TYW1B: variants seen among roughly 807,000 people sequenced by gnomAD.
TYW1B encodes tRNA-yW synthesizing protein 1 homolog B, also known as S-adenosyl-L-methionine-dependent tRNA 4-demethylwyosine synthase TYW1B.
TYW1B carries 73 observed loss-of-function variants against 86.9 expected under a neutral mutation model. The ratio of observed to expected loss-of-function variants is 0.84; its 90% confidence interval spans 0.70 to 1.02. TYW1B has a LOEUF of 1.02. Ranked by LOEUF, TYW1B falls within the 50% of genes least tolerant of loss-of-function variation. The pLI is 0.00. For missense variants in TYW1B, 637 were observed against 827.4 expected (o/e 0.77, Z 2.82); for synonymous variants, 248 against 292.8 (o/e 0.85, Z 1.56).
intron 9 of TYW1B, among the ~76,000 whole-genome samples, chr7:72,726,026 C>T (rs1333984383): frequency 5.9e-5 from 9 of 152,126 alleles, no homozygotes; most frequent in Admixed American, 5.2e-4. Flanking sequence ...TGAAGATCAA[C>T]AATCAATTAT....
chr7:72,763,890 T>C (rs1194340961), intron 7 of TYW1B, among the ~76,000 whole-genome samples: 3 of 152,214 alleles, frequency 2.0e-5, no homozygotes, highest in Non-Finnish European at 2.9e-5. Flanking sequence ...CATTGACAAA[T>C]GGTAAGTGAT....
At chr7:72,658,796 C>A (rs111408981) in intron 11 of TYW1B, among the ~76,000 whole-genome samples, 12 of 152,192 alleles carry the variant, frequency 7.9e-5, no homozygotes, top group African/African-American at 9.7e-5. Flanking sequence ...TCTCGGCTCA[C>A]TGCAACCTCC....
chr7:72,827,448 A>G (rs782335074), intron 1 of TYW1B, among the ~76,000 whole-genome samples: 6 of 152,142 alleles, frequency 3.9e-5, no homozygotes, highest in Non-Finnish European at 8.8e-5. Context: ...AAAATAACAC[A>G]CTATGTAGTA....
intron 7 of TYW1B, among the ~76,000 whole-genome samples, chr7:72,752,062 A>G (rs1438710055): frequency 6.6e-6 from 1 of 152,144 alleles, no homozygotes; most frequent in Non-Finnish European, 1.5e-5. Flanking sequence ...CTGGGTAGAG[A>G]GGGAAGTCTC....
intron 13 of TYW1B, among the ~76,000 whole-genome samples, chr7:72,596,763 G>A (rs1264387168): frequency 2.6e-5 from 4 of 152,008 alleles, no homozygotes; most frequent in African/African-American, 7.2e-5. Flanking sequence ...AAAAGAAAGA[G>A]TAGACAAACT....
At chr7:72,766,745 G>A (rs782302315) in intron 7 of TYW1B, among the ~76,000 whole-genome samples, 3 of 151,564 alleles carry the variant, frequency 2.0e-5, no homozygotes, top group Non-Finnish European at 4.4e-5. Flanking sequence ...TGGCCAACAA[G>A]GTGAAACCCT....
At chr7:72,680,582 G>A (rs1813850860) in intron 11 of TYW1B, among the ~76,000 whole-genome samples, 2 of 152,158 alleles carry the variant, frequency 1.3e-5, no homozygotes, top group Non-Finnish European at 2.9e-5. Flanking sequence ...TGGCACCTCA[G>A]CTTGCAGACG....
At chr7:72,816,498 G>A (rs1788725753) in intron 2 of TYW1B, among the ~76,000 whole-genome samples, 1 of 152,214 alleles carries the variant, frequency 6.6e-6, no homozygotes, top group Non-Finnish European at 1.5e-5. Context: ...CAGAACCCCA[G>A]AGAAGCTCTG....
chr7:72,632,437 C>CAT (rs1563038922), intron 11 of TYW1B, among the ~76,000 whole-genome samples: 21 of 96,096 alleles, frequency 2.2e-4, no homozygotes, highest in South Asian at 5.7e-4. Context: ...TATATATATA[C>CAT]GTATATATAT....
rs1485450565 is a variant in TYW1B, at chr7:72,819,501, C to T, written c.136-4020G>A. Among the ~76,000 whole-genome samples, 3 of 152,188 alleles carry T rather than the reference C, an allele frequency of 2.0e-5. No homozygotes were observed. The East Asian group carries it at 5.8e-4, about 29-fold the overall frequency. On this transcript the variant is annotated intron_variant, in intron 2 of 13. Coordinates refer to ENST00000620995, the MANE Select transcript of TYW1B (RefSeq NM_001145440.3). ...AGGCTGAAGTGCAGTGGCACAGTCA[C>T]GGCTTACTGCAGCCTTGACCTCCTG...
chr7:72,818,918 C>T (rs1554479949), intron 2 of TYW1B, among the ~76,000 whole-genome samples: 1 of 152,120 alleles, frequency 6.6e-6, no homozygotes, highest in Non-Finnish European at 1.5e-5. Flanking sequence ...CACCTCCCGC[C>T]AAGCCCCACC....
At chr7:72,827,228 T>C (rs546859283) in intron 1 of TYW1B, among the ~76,000 whole-genome samples, 9 of 151,878 alleles carry the variant, frequency 5.9e-5, no homozygotes, top group African/African-American at 1.9e-4. Flanking sequence ...GCCAACATGG[T>C]GAAACCCCGC....
intron 11 of TYW1B, among the ~76,000 whole-genome samples, chr7:72,689,173 G>C (rs1554449943): frequency 6.6e-6 from 1 of 151,994 alleles, no homozygotes; most frequent in East Asian, 1.9e-4. Context: ...GATGATGAGA[G>C]GTGGAAATAA....
At chr7:72,827,343 G>A (rs13311299) in intron 1 of TYW1B, among the ~76,000 whole-genome samples, 1 of 152,216 alleles carries the variant, frequency 6.6e-6, no homozygotes, top group Non-Finnish European at 1.5e-5. Context: ...GGGAGGCAGA[G>A]GTTGCAGTGA....
chr7:72,744,115 G>GA (rs781446415), intron 8 of TYW1B, among the ~76,000 whole-genome samples: 31 of 151,270 alleles, frequency 2.0e-4, no homozygotes, highest in African/African-American at 1.9e-4. Flanking sequence ...GTCGTAGATA[G>GA]AAAAAAAAGA....
chr7:72,797,647 T>C (rs1355394694), intron 6 of TYW1B, among the ~76,000 whole-genome samples: 3 of 151,942 alleles, frequency 2.0e-5, no homozygotes, highest in African/African-American at 7.3e-5. Flanking sequence ...AGCCCAGGAG[T>C]TCAAGGTTGC....
At chr7:72,804,239 C>T (rs1477887042) in intron 5 of TYW1B, among the ~76,000 whole-genome samples, 1 of 148,830 alleles carries the variant, frequency 6.7e-6, no homozygotes, top group African/African-American at 2.5e-5. Context: ...GAGCTGAGAT[C>T]GTGACCCTGC....
At chr7:72,697,031 T>TA (rs781801843) in intron 10 of TYW1B, among the ~76,000 whole-genome samples, 2,508 of 136,856 alleles carry the variant, frequency 0.018, 92 homozygotes, top group East Asian at 0.099. Flanking sequence ...GATTTCTACT[T>TA]AAAAAAAAAA....
chr7:72,620,947 C>A (rs1812198752), intron 12 of TYW1B, among the ~76,000 whole-genome samples: 1 of 152,170 alleles, frequency 6.6e-6, no homozygotes, highest in African/African-American at 2.4e-5. Flanking sequence ...ATTTATGCAT[C>A]CTTGAGTTTG....
Sources: gnomAD v4.1 joint callset for allele counts (sites outside exome capture counted in the v4.1 genomes callset) on GRCh38, gnomAD v4.1.1 for gene constraint, MANE v1.5 for transcripts, NCBI Gene and HGNC (gene_info 2026-07-23, HGNC 2026-07-21) for gene names.